Variants in KCNT1 observed in about 807,000 individuals in gnomAD.
KCNT1 encodes potassium sodium-activated channel subfamily T member 1, also known as potassium channel subfamily T member 1.
A neutral mutation model predicts 147.8 loss-of-function variants in KCNT1; 78 were observed. The observed-to-expected ratio is 0.53, with a 90% CI of 0.44 to 0.64. KCNT1 has a LOEUF of 0.64. Ranked by LOEUF, KCNT1 falls within the 30% of genes least tolerant of loss-of-function variation. KCNT1 has a pLI of 0.00. For synonymous variants in KCNT1, 867 were observed against 748.8 expected, an observed-to-expected ratio of 1.16 and a Z score of -2.58; for missense variants, 1,419 against 1,750.3, an observed-to-expected ratio of 0.81 and a Z score of 3.38.
At position 135,772,759 on chromosome 9, in the gene KCNT1, C is replaced by T. The variant is rs1462835177; in HGVS notation, c.2053C>T (p.Gln685Ter). 32 of 1,472,558 alleles carry T rather than the reference C, an allele frequency of 2.2e-5. No individual in the cohort carries two copies. 91.2% of individuals were successfully genotyped at this position (1,472,558 alleles called of 1,614,324 possible). The change falls in exon 19 of 31, where the codon CAG becomes TAG. Residue 685 changes from glutamine (Q) to a stop codon, truncating the protein, a stop_gained. Transcript: ENST00000371757. LOFTEE classifies it high-confidence loss of function. ...DLQGTEHRPTQSGGGGGGSKL... is the reference protein window; with the variant it reads ...DLQGTEHRPT ...GCAGGGCACAGAGCACCGGCCTACG[C>T]AGAGCGGCGGTGGGGGCGGGGGCAG...
At chr9:135,731,558 T>C (rs1008954262) in intron 2 of KCNT1, among the ~76,000 whole-genome samples, 5 of 152,128 alleles carry the variant, frequency 3.3e-5, no homozygotes, top group African/African-American at 9.7e-5. Context: ...GCTGTGGTTG[T>C]TTTTCTCCCA....
chr9:135,741,269 G>A (rs539906330), intron 2 of KCNT1, among the ~76,000 whole-genome samples: 2 of 152,322 alleles, frequency 1.3e-5, no homozygotes, highest in Admixed American at 1.3e-4. Flanking sequence ...GCAGAGGGAC[G>A]CGGCCAGGGA....
chr9:135,737,245 TG>T (rs1830381950), intron 2 of KCNT1, among the ~76,000 whole-genome samples: 1 of 152,066 alleles, frequency 6.6e-6, no homozygotes, highest in Non-Finnish European at 1.5e-5. Flanking sequence ...AGCCCTGCTG[TG>T]GGGTATGCTT....
At chr9:135,726,026 C>T (rs1372110351) in intron 2 of KCNT1, among the ~76,000 whole-genome samples, 3 of 152,120 alleles carry the variant, frequency 2.0e-5, no homozygotes, top group Non-Finnish European at 4.4e-5. Context: ...GTGGCCACCC[C>T]ACCCAGGAGG....
At chr9:135,737,658 T>C (rs1265769988) in intron 2 of KCNT1, among the ~76,000 whole-genome samples, 1 of 151,930 alleles carries the variant, frequency 6.6e-6, no homozygotes, top group East Asian at 1.9e-4. Flanking sequence ...GCGGAAGCAG[T>C]GAGGGCTGAA....
intron 11 of KCNT1, among the ~76,000 whole-genome samples, chr9:135,761,495 C>T (rs891207692): frequency 6.6e-6 from 1 of 152,226 alleles, no homozygotes; most frequent in Non-Finnish European, 1.5e-5. Flanking sequence ...CCCTCCTGCC[C>T]CAATCCGTAA....
At chr9:135,788,048 A>ATATTCTCTCTCTCTCTCT in intron 29 of KCNT1, 1 of 1,410,914 alleles carries the variant, frequency 7.1e-7, no homozygotes. Context: ...TCGCTTGCTG[A>ATATTCTCTCTCTCTCTCT]TATTCTCTCT....
At chr9:135,735,530 C>T (rs556711507) in intron 2 of KCNT1, among the ~76,000 whole-genome samples, 9 of 152,216 alleles carry the variant, frequency 5.9e-5, no homozygotes, top group Non-Finnish European at 1.0e-4. Context: ...ACCGTCCAGC[C>T]AAGGGTGGGG....
At chr9:135,755,204 G>A in intron 6 of KCNT1, 35 bp downstream of exon 6, 2 of 1,582,874 alleles carry the variant, frequency 1.3e-6, no homozygotes, top group Admixed American at 1.8e-5. Context: ...CCCGACTGCA[G>A]TGGTGCTCAG....
At chr9:135,782,508 C>A (rs770678917) in intron 24 of KCNT1, among the ~76,000 whole-genome samples, 6 of 152,200 alleles carry the variant, frequency 3.9e-5, no homozygotes, top group Non-Finnish European at 8.8e-5. Context: ...TCCCTCTGAC[C>A]GGGGGTCTCG....
chr9:135,748,546 T>C (rs550894917), intron 2 of KCNT1, among the ~76,000 whole-genome samples: 81 of 152,326 alleles, frequency 5.3e-4, no homozygotes, highest in African/African-American at 1.9e-3. Context: ...CCACTGGGTG[T>C]CACAGCCTCC....
chr9:135,743,472 G>A (rs1376596820), intron 2 of KCNT1, among the ~76,000 whole-genome samples: 1 of 152,136 alleles, frequency 6.6e-6, no homozygotes, highest in Non-Finnish European at 1.5e-5. Flanking sequence ...TCCAGGGGCT[G>A]CCCGGCACCC....
intron 11 of KCNT1, among the ~76,000 whole-genome samples, chr9:135,764,352 C>T (rs1049878010): frequency 1.1e-4 from 16 of 152,128 alleles, no homozygotes; most frequent in Non-Finnish European, 1.6e-4. Context: ...CCCAGCTACT[C>T]AGGAGGTTGA....
chr9:135,758,573 CG>C, intron 10 of KCNT1, 65 bp downstream of exon 10: 3 of 1,304,526 alleles, frequency 2.3e-6, no homozygotes, highest in Non-Finnish European at 3.3e-6. Context: ...CAAGCAGGGC[CG>C]GGCGAGGGGA....
intron 2 of KCNT1, among the ~76,000 whole-genome samples, chr9:135,725,059 G>A (rs923950243): frequency 6.6e-6 from 1 of 152,212 alleles, no homozygotes; most frequent in Non-Finnish European, 1.5e-5. Flanking sequence ...GCGTGGGGGG[G>A]CGTGTGGTGG....
intron 19 of KCNT1, among the ~76,000 whole-genome samples, chr9:135,773,289 G>A (rs1375361417): frequency 2.0e-5 from 3 of 152,196 alleles, no homozygotes; most frequent in African/African-American, 7.2e-5. Flanking sequence ...CACCCTCAGA[G>A]AGGGGCCCGT....
rs1336430038 is a variant in KCNT1 at position 135,792,800 on chromosome 9, A to ACCTTTCTGAAGGAAG, written c.*641_*655dup. ...CCCCCAGAGGGCCCTGTCGCCGAGGACCTTTCTGAAGGAAGCAGAAGACGC... is the reference window on the plus strand; with the variant it reads ...CCCCCAGAGGGCCCTGTCGCCGAGGACCTTTCTGAAGGAAGCCTTTCTGAAGGAAGCAGAAGACGC... On this transcript the variant is annotated 3_prime_UTR_variant, in exon 31 of 31. Transcript: ENST00000371757. 1.3e-4 allele frequency: 20 copies of ACCTTTCTGAAGGAAG among 152,220 alleles called. No individual in the cohort carries two copies. The highest frequency in any genetic ancestry group is 4.8e-4 in the African/African-American group (20 of 41,438). 9.4% of individuals were successfully genotyped at this position (152,220 alleles called of 1,614,324 possible).
intron 1 of KCNT1, among the ~76,000 whole-genome samples, chr9:135,704,636 A>T (rs561945715): frequency 6.6e-6 from 1 of 152,254 alleles, no homozygotes; most frequent in Non-Finnish European, 1.5e-5. Flanking sequence ...TTCGCATCAG[A>T]GCCCCTGCCA....
chr9:135,758,370 G>A, intron 9 of KCNT1, 44 bp from the exon 10 acceptor site: 1 of 1,430,098 alleles, frequency 7.0e-7, no homozygotes, highest in African/African-American at 1.4e-5. Flanking sequence ...CTCCTGGCGG[G>A]GTCCACAGTC....
Sources: allele counts gnomAD v4.1 joint callset (sites outside exome capture counted in the v4.1 genomes callset), GRCh38; gene constraint gnomAD v4.1.1; transcripts MANE v1.5; gene names NCBI Gene and HGNC (gene_info 2026-07-23, HGNC 2026-07-21).